The following DPH6 variants were observed in gnomAD, a reference collection of about 807,000 sequenced individuals.
The protein encoded by DPH6 is diphthine--ammonia ligase.
In DPH6, 33 loss-of-function variants were observed where a neutral mutation model predicts 38.2. That is an observed-to-expected ratio of 0.86 (90% CI 0.65 to 1.15). The LOEUF (loss-of-function observed/expected upper bound fraction) is 1.15, where lower values mean the gene tolerates loss of function less well. Among genes scored for constraint, DPH6 ranks in the 50% most tolerant of loss-of-function variants. The pLI, the probability that DPH6 is intolerant of heterozygous loss-of-function variation, is 0.00. For missense variants in DPH6, 325 were observed against 320.0 expected (o/e 1.02, Z -0.12); for synonymous variants, 108 against 103.0 (o/e 1.05, Z -0.30).
chr15:35,194,379 G>C, the DPH6 span, among the ~76,000 whole-genome samples: 1 of 151,454 alleles, frequency 6.6e-6, no homozygotes. Context: ...CAGAGAGAGA[G>C]AGAGAGAGAG....
intron 3 of DPH6, among the ~76,000 whole-genome samples, chr15:35,467,551 G>A (rs1307920753): frequency 2.6e-5 from 4 of 152,154 alleles, no homozygotes; most frequent in Admixed American, 6.6e-5. Context: ...TGGCAACAGG[G>A]TGAGACTCCA....
intron 3 of DPH6, among the ~76,000 whole-genome samples, chr15:35,481,225 G>A (rs2054322730): frequency 6.6e-6 from 1 of 152,062 alleles, no homozygotes; most frequent in African/African-American, 2.4e-5. Context: ...TTCTACAGCA[G>A]AGCTTTAGAC....
At chr15:35,266,309 T>C (rs73391483) in intron 3 of DPH6, among the ~76,000 whole-genome samples, 4,361 of 152,218 alleles carry the variant, frequency 0.029, 204 homozygotes, top group African/African-American at 0.099. Flanking sequence ...CAATCATATA[T>C]GGTATATATA....
At chr15:35,414,199 T>C (rs1372206381) in intron 5 of DPH6, among the ~76,000 whole-genome samples, 1 of 151,818 alleles carries the variant, frequency 6.6e-6, no homozygotes, top group Admixed American at 6.6e-5. Context: ...TTGTTCTTTA[T>C]TCTTTCACTG....
At chr15:35,356,077 G>A (rs538520138) in intron 3 of DPH6, among the ~76,000 whole-genome samples, 32 of 152,084 alleles carry the variant, frequency 2.1e-4, no homozygotes, top group Non-Finnish European at 3.4e-4. Flanking sequence ...TGATCGAATC[G>A]GTATTGAAGC....
At chr15:35,159,060 T>C in the DPH6 span, among the ~76,000 whole-genome samples, 1 of 152,134 alleles carries the variant, frequency 6.6e-6, no homozygotes, top group Admixed American at 6.6e-5. Context: ...CTTCTACTTT[T>C]CTAAGCTGGT....
At chr15:35,246,387 A>T (rs562504938) in intron 3 of DPH6, among the ~76,000 whole-genome samples, 41 of 152,288 alleles carry the variant, frequency 2.7e-4, no homozygotes, top group African/African-American at 9.9e-4. Context: ...GTTTTTCCAC[A>T]TATTCTTACG....
At chr15:35,488,546 G>A (rs904122791) in intron 3 of DPH6, among the ~76,000 whole-genome samples, 1 of 152,084 alleles carries the variant, frequency 6.6e-6, no homozygotes, top group African/African-American at 2.4e-5. Context: ...GATCTCATGA[G>A]AACTCACTCA....
At chr15:35,314,815 A>G (rs1203755355) in intron 3 of DPH6, among the ~76,000 whole-genome samples, 3 of 152,206 alleles carry the variant, frequency 2.0e-5, no homozygotes, top group Admixed American at 2.0e-4. Context: ...CTGTGCAACA[A>G]TGAACCATTT....
rs568648717 is a variant in DPH6 at position 35,248,421 on chromosome 15, C to A, written n.201-27839G>T. Among the ~76,000 whole-genome samples, 4 of 152,316 alleles carry A rather than the reference C, an allele frequency of 2.6e-5. No homozygotes were observed. The South Asian group carries it at 6.2e-4, about 24-fold the overall frequency. On this transcript the variant is annotated intron_variant and non_coding_transcript_variant, in intron 3 of 3. Coordinates refer to the DPH6 transcript ENST00000560386. ...ATTCCAGTGTGGGTCCTGCCCCATA[C>A]TCAGAAGGAATGCATGCTCAGAGAG... is the stretch of plus-strand genomic sequence containing the variant.
rs371698428 is a variant in DPH6, at chr15:35,413,402, G to A, written c.506-2506C>T. Among the ~76,000 whole-genome samples the A allele has an allele frequency of 1.1e-4, 16 of 151,120 alleles. 2 individuals are homozygous for A. Among genetic ancestry groups the A allele is most frequent in the East Asian group, 5.8e-4 (3 of 5,132 alleles). ...TTAAAAAAACACCCATTATGATTTT[G>A]GTTTTAATAATCTCTTCTTACAATT... On this transcript the variant is annotated intron_variant, in intron 5 of 8. Transcript: ENST00000256538.
chr15:35,434,936 G>A (rs2053677966), intron 5 of DPH6, among the ~76,000 whole-genome samples: 1 of 151,018 alleles, frequency 6.6e-6, no homozygotes. Flanking sequence ...ACCATGCCCA[G>A]CTATTTTTTT....
chr15:35,389,756 C>T (rs537307559), intron 6 of DPH6, among the ~76,000 whole-genome samples: 1 of 152,218 alleles, frequency 6.6e-6, no homozygotes, highest in Non-Finnish European at 1.5e-5. Flanking sequence ...AGATTGGTTT[C>T]CTGAATACAG....
At chr15:35,510,354 G>A (rs2054752467) in intron 3 of DPH6, among the ~76,000 whole-genome samples, 1 of 152,166 alleles carries the variant, frequency 6.6e-6, no homozygotes, top group East Asian at 1.9e-4. Flanking sequence ...TGCAGGTTCT[G>A]ACATACATCT....
At chr15:35,518,737 C>T (rs1338745573) in intron 3 of DPH6, among the ~76,000 whole-genome samples, 1 of 151,940 alleles carries the variant, frequency 6.6e-6, no homozygotes, top group Admixed American at 6.6e-5. Context: ...ATCCAAAGTG[C>T]ATTAAATGTG....
chr15:35,348,430 T>C (rs772888215), intron 3 of DPH6, among the ~76,000 whole-genome samples: 11 of 152,206 alleles, frequency 7.2e-5, no homozygotes, highest in African/African-American at 1.2e-4. Flanking sequence ...AGTTTTGACA[T>C]CTTTGCTGAA....
At chr15:35,350,214 A>T (rs187515087) in intron 3 of DPH6, among the ~76,000 whole-genome samples, 1 of 152,002 alleles carries the variant, frequency 6.6e-6, no homozygotes, top group African/African-American at 2.4e-5. Context: ...GAAGTTGTCA[A>T]ATTTTATTAT....
At chr15:35,431,335 G>C (rs1390829295) in intron 5 of DPH6, among the ~76,000 whole-genome samples, 1 of 152,244 alleles carries the variant, frequency 6.6e-6, no homozygotes, top group Middle Eastern at 3.4e-3. Context: ...TTTAGGATAA[G>C]TAGTAAAACA....
chr15:35,189,647 T>C, the DPH6 span, among the ~76,000 whole-genome samples: 1 of 152,208 alleles, frequency 6.6e-6, no homozygotes, highest in African/African-American at 2.4e-5. Flanking sequence ...TTTGTAATTG[T>C]AGGGAAGTTC....
Sources: allele counts gnomAD v4.1 joint callset (sites outside exome capture counted in the v4.1 genomes callset), GRCh38; gene constraint gnomAD v4.1.1; transcripts MANE v1.5; gene names NCBI Gene and HGNC (gene_info 2026-07-23, HGNC 2026-07-21).